CRYBG3: variants seen among roughly 807,000 people sequenced by gnomAD.
CRYBG3 encodes crystallin beta-gamma domain containing 3.
CRYBG3 carries 127 observed loss-of-function variants against 244.2 expected under a neutral mutation model. The observed-to-expected ratio is 0.52, with a 90% CI of 0.45 to 0.60. The LOEUF is 0.60. CRYBG3 is among the 20% of genes least tolerant of loss of function. The pLI is 0.00. For synonymous variants in CRYBG3, 1,132 were observed against 1,195.8 expected (o/e 0.95, Z 1.10); for missense variants, 3,325 against 3,442.5 (o/e 0.97, Z 0.85).
chr3:97,942,934 A>G, intron 21 of CRYBG3: 1 of 326,146 alleles, frequency 3.1e-6, no homozygotes, highest in Non-Finnish European at 5.5e-6. Flanking sequence ...AGTACCTGAC[A>G]TTCAGCCAGA....
In CRYBG3 at chr3:97,874,164, A is replaced by G. The variant is rs1428135153; in HGVS notation, c.2970A>G (p.Leu990=). 1.3e-6 allele frequency: 2 copies of G among 1,531,524 alleles called. No individual in the cohort carries two copies. Among genetic ancestry groups the G allele is most frequent in the Non-Finnish European group, 1.7e-6 (2 of 1,145,724 alleles). The allele number at this position is 1,531,524 out of a possible 1,614,324, so 94.9% of individuals were successfully genotyped here. A position where few individuals can be genotyped will look rare whatever the true frequency, so the allele number is the denominator to read the frequency against. ...ACTCAGAAATGGCGGAACTCAGCTT[A>G]ACTAATATTTCCCCTAAATTCCAAG... ...SGHSEMAELS[L]TNISPKFQET... is the part of the protein sequence containing the mutation. The change falls in exon 4 of 22, where the codon TTA becomes TTG. Residue 990 remains leucine (L), a synonymous_variant. Transcript: ENST00000389622.
intron 2 of CRYBG3, among the ~76,000 whole-genome samples, chr3:97,853,387 GAC>G (rs952920377): frequency 2.9e-5 from 4 of 136,590 alleles, no homozygotes; most frequent in South Asian, 2.4e-4. Flanking sequence ...TGTACACACA[GAC>G]ACACACACAC....
intron 3 of CRYBG3, among the ~76,000 whole-genome samples, chr3:97,869,694 A>G (rs1406418896): frequency 6.6e-6 from 1 of 152,168 alleles, no homozygotes. Context: ...GCAGCAACTA[A>G]AACCATTTTT....
chr3:97,826,311 C>T (rs374984933), intron 1 of CRYBG3, among the ~76,000 whole-genome samples: 12 of 152,090 alleles, frequency 7.9e-5, no homozygotes, highest in African/African-American at 2.9e-4. Flanking sequence ...ATTGTATGCT[C>T]TGAAAGTGTT....
chr3:97,847,748 A>G (rs1576518096), intron 2 of CRYBG3, among the ~76,000 whole-genome samples: 1 of 152,198 alleles, frequency 6.6e-6, no homozygotes, highest in Non-Finnish European at 1.5e-5. Context: ...CACTGGTCCC[A>G]TTTTAGAAAT....
Position 97,872,468 on chromosome 3 carries a change from A to T in CRYBG3, c.1274A>T (p.Glu425Val), listed in dbSNP as rs1387944655. ...MSNRTLVQREELVEPQGPAIS... is the reference protein window; with the variant it reads ...MSNRTLVQREVLVEPQGPAIS... ...AATAGGACATTGGTGCAAAGAGAGGAGCTTGTTGAGCCTCAGGGCCCTGCT... is the reference window on the plus strand; with the variant it reads ...AATAGGACATTGGTGCAAAGAGAGGTGCTTGTTGAGCCTCAGGGCCCTGCT... Residue 425 changes from glutamate (E) to valine (V), a missense_variant, in exon 4 of 22, where the codon GAG becomes GTG. Transcript: ENST00000389622. 2 of 1,535,870 alleles carry T rather than the reference A, an allele frequency of 1.3e-6. No individual in the cohort carries two copies. Among genetic ancestry groups the T allele is most frequent in the Admixed American group, 2.0e-5 (1 of 50,968 alleles).
chr3:97,927,933 A>G (rs1228265783), intron 17 of CRYBG3, among the ~76,000 whole-genome samples: 4 of 152,014 alleles, frequency 2.6e-5, no homozygotes, highest in Non-Finnish European at 4.4e-5. Context: ...TGTGGAGAAA[A>G]GGGAATGTTT....
chr3:97,923,351 A>G (rs962115306), intron 17 of CRYBG3, among the ~76,000 whole-genome samples: 7 of 152,114 alleles, frequency 4.6e-5, no homozygotes, highest in Non-Finnish European at 8.8e-5. Context: ...AATAAAAAAA[A>G]GTGTAGAAGA....
At chr3:97,841,183 CAT>C (rs1166622033) in intron 1 of CRYBG3, among the ~76,000 whole-genome samples, 1 of 145,586 alleles carries the variant, frequency 6.9e-6, no homozygotes, top group Non-Finnish European at 1.5e-5. Context: ...ACACACAGCT[CAT>C]ATATGTGTGT....
chr3:97,841,438 T>C (rs2038817319), intron 1 of CRYBG3, among the ~76,000 whole-genome samples: 1 of 152,064 alleles, frequency 6.6e-6, no homozygotes, highest in Non-Finnish European at 1.5e-5. Context: ...CATGGAGTCT[T>C]GGACTTAATG....
chr3:97,929,247 T>G (rs1178658672), intron 17 of CRYBG3, among the ~76,000 whole-genome samples: 1 of 151,998 alleles, frequency 6.6e-6, no homozygotes, highest in Non-Finnish European at 1.5e-5. Flanking sequence ...GGCGAAGACA[T>G]TTGTGGAGCT....
Position 97,941,233 on chromosome 3 carries a change from C to T in CRYBG3, c.8591C>T (p.Ser2864Phe). Residue 2864 changes from serine (S) to phenylalanine (F), a missense_variant, in exon 20 of 22, where the codon TCT (serine) becomes TTT (phenylalanine). Ser to Phe is a radical substitution (Grantham distance 155, BLOSUM62 -2). Coordinates refer to ENST00000389622, the MANE Select transcript of CRYBG3 (RefSeq NM_153605.4). Reference protein sequence around the residue: ...TGSLADTRATSVCISPYSGKN... With the variant: ...TGSLADTRATFVCISPYSGKN... ...AGTCTAGCAGACACCAGGGCAACAT[C>T]TGTGTGCATTTCTCCCTATAGTGGA... is the stretch of plus-strand genomic sequence containing the variant. The T allele has an allele frequency of 6.2e-7, 1 of 1,611,250 alleles. No individual in the cohort carries two copies. The highest frequency in any genetic ancestry group is 8.5e-7 in the Non-Finnish European group (1 of 1,177,878).
chr3:97,893,132 T>C, intron 11 of CRYBG3, 139 bp downstream of exon 11: 1 of 716,884 alleles, frequency 1.4e-6, no homozygotes, highest in Non-Finnish European at 2.3e-6. Flanking sequence ...GTAAAAAATA[T>C]TAGTTACTTA....
intron 2 of CRYBG3, among the ~76,000 whole-genome samples, chr3:97,855,411 A>G (rs941877028): frequency 1.3e-5 from 2 of 152,278 alleles, no homozygotes; most frequent in Middle Eastern, 3.4e-3. Flanking sequence ...TAGTTTGAGA[A>G]TAATTGGTGT....
intron 1 of CRYBG3, among the ~76,000 whole-genome samples, chr3:97,831,602 G>A (rs866412618): frequency 1.3e-4 from 20 of 152,042 alleles, no homozygotes; most frequent in Admixed American, 3.3e-4. Context: ...TACTGTTTAT[G>A]AAGTGAGTAT....
chr3:97,925,530 C>A, intron 17 of CRYBG3, among the ~76,000 whole-genome samples: 1 of 152,036 alleles, frequency 6.6e-6, no homozygotes, highest in Middle Eastern at 3.4e-3. Context: ...GACAGCTACA[C>A]GTATGAAGAG....
intron 20 of CRYBG3, 68 bp from the exon 21 acceptor site, chr3:97,942,216 A>G (rs1360185404): frequency 7.1e-7 from 1 of 1,414,346 alleles, no homozygotes. Context: ...CCTAAGATAA[A>G]AGGGACCTAA....
At chr3:97,900,587 C>A in intron 15 of CRYBG3, 102 bp downstream of exon 15, 1 of 736,742 alleles carries the variant, frequency 1.4e-6, no homozygotes, top group Non-Finnish European at 2.3e-6. Flanking sequence ...TTTTATGTGT[C>A]TCTCTGGCAG....
At chr3:97,903,579 G>A (rs1050435031) in intron 15 of CRYBG3, among the ~76,000 whole-genome samples, 1 of 152,056 alleles carries the variant, frequency 6.6e-6, no homozygotes. Flanking sequence ...TATTTAGACA[G>A]GGAAGAAAGT....
Sources: gnomAD v4.1 joint callset for allele counts (sites outside exome capture counted in the v4.1 genomes callset) on GRCh38, gnomAD v4.1.1 for gene constraint, MANE v1.5 for transcripts, NCBI Gene and HGNC (gene_info 2026-07-23, HGNC 2026-07-21) for gene names.